EPS8L2: variants seen among roughly 807,000 people sequenced by gnomAD.
The protein encoded by EPS8L2 is epidermal growth factor receptor kinase substrate 8-like protein 2.
In EPS8L2, 81 loss-of-function variants were observed where a neutral mutation model predicts 99.4. The observed-to-expected ratio is 0.82, with a 90% CI of 0.68 to 0.98. The LOEUF (loss-of-function observed/expected upper bound fraction) is 0.98, where lower values mean the gene tolerates loss of function less well. EPS8L2 is among the 50% of genes least tolerant of loss of function. EPS8L2 has a pLI of 0.00. For synonymous variants in EPS8L2, 509 were observed against 407.3 expected (o/e 1.25, Z -3.01); for missense variants, 1,155 against 968.8 (o/e 1.19, Z -2.55).
intron 19 of EPS8L2, 42 bp downstream of exon 19, chr11:726,526 T>C (rs762304670): frequency 6.8e-7 from 1 of 1,477,396 alleles, no homozygotes; most frequent in Admixed American, 2.2e-5. Context: ...GGGCGAGGGG[T>C]GGGAGGTGCG....
In EPS8L2 at chr11:724,894, CA is replaced by C. The variant is rs1862275438; in HGVS notation, c.1560+66del. 2.3e-6 allele frequency: 3 copies of C among 1,277,312 alleles called. No homozygotes were observed. Among genetic ancestry groups the C allele is most frequent in the African/African-American group, 1.5e-5 (1 of 68,334 alleles). The allele number at this position is 1,277,312 out of a possible 1,614,324, so 79.1% of individuals were successfully genotyped here. On this transcript the variant is annotated intron_variant, in intron 16 of 20. Coordinates refer to ENST00000318562, the MANE Select transcript of EPS8L2 (RefSeq NM_022772.4). The surrounding 1 kb of genome is among the most constrained non-coding windows in gnomAD (Gnocchi z 5.5). ...GGCAGGGCTTCAAGGGAGGGGCTAC[CA>C]GGGGAGGTGGGGAGCGGTCTAGGGC...
rs771818982 is a variant in EPS8L2, at chr11:723,265, A to G, written c.1366A>G (p.Ile456Val). 3.1e-6 allele frequency: 5 copies of G among 1,605,208 alleles called. No individual in the cohort carries two copies. Among genetic ancestry groups the G allele is most frequent in the Middle Eastern group, 1.7e-4 (1 of 6,040 alleles). The stretch of plus-strand genomic sequence containing the variant: ...GGTGAGTCCAGTGAGCCGACAGTCC[A>G]TAAGAAACTCCCAGAAGCACAGCCC... ...EEVSPVSRQS[I>V]RNSQKHSPTS... Residue 456 changes from isoleucine to valine, a missense_variant, in exon 15 of 21, where the codon ATA becomes GTA. Ile to Val is a conservative substitution (Grantham distance 29). Transcript: ENST00000318562.
At position 727,179 on chromosome 11, in the gene EPS8L2, C is replaced by A. The variant is rs1862354197; in HGVS notation, c.*198C>A. 2.0e-6 allele frequency: 1 copy of A among 508,764 alleles called. No homozygotes were observed. Among genetic ancestry groups the A allele is most frequent in the East Asian group, 3.4e-5 (1 of 29,632 alleles). The allele number at this position is 508,764 out of a possible 1,614,324, so 31.5% of individuals were successfully genotyped here. A position where few individuals can be genotyped will look rare whatever the true frequency, so the allele number is the denominator to read the frequency against. On this transcript the variant is annotated 3_prime_UTR_variant, in exon 21 of 21. Transcript: ENST00000318562. ...CCCAAGGCCTCAGCCCACACCAAGA[C>A]TAATCTCAGCCAAACCTGCTGCTTG... is the stretch of plus-strand genomic sequence containing the variant.
At chr11:725,251 G>A (rs1442423201) in intron 16 of EPS8L2, among the ~76,000 whole-genome samples, 3 of 152,222 alleles carry the variant, frequency 2.0e-5, no homozygotes, top group Admixed American at 6.5e-5. Context: ...GGCGGCTCAC[G>A]CCTGTAACCG....
chr11:714,592 CATTTTATTTT>C lies in EPS8L2; in HGVS notation c.165+4126_165+4135del, dbSNP rs71464111. On this transcript the variant is annotated intron_variant, in intron 4 of 20. Coordinates refer to ENST00000318562, the MANE Select transcript of EPS8L2 (RefSeq NM_022772.4). ...GGCTTTTGCGTTTAGGGCCAGGATC[CATTTTATTTT>C]ATTTTATTTTATTTTATTTATTTTT... is the stretch of plus-strand genomic sequence containing the variant. Among the ~76,000 whole-genome samples the C allele has an allele frequency of 5.0e-3, 725 of 145,680 alleles. 7 individuals carry two copies. Among genetic ancestry groups the C allele is most frequent in the African/African-American group, 0.016 (660 of 40,070 alleles).
At chr11:725,275 C>G (rs1862283636) in intron 16 of EPS8L2, among the ~76,000 whole-genome samples, 1 of 152,230 alleles carries the variant, frequency 6.6e-6, no homozygotes, top group African/African-American at 2.4e-5. Context: ...CACTGGGAGG[C>G]CAAGGCGGGA....
At position 722,166 on chromosome 11, in the gene EPS8L2, G is replaced by A. The variant is rs1411623463; in HGVS notation, c.1059+1G>A. ...CTTCCTCTTCGGGCCTCTGGACCTG[G>A]TGCCTGGGGCCGGGCGGCAGGGGCG... is the stretch of plus-strand genomic sequence containing the variant. On this transcript the variant is annotated splice_donor_variant, in intron 12 of 20. Coordinates refer to ENST00000318562, the MANE Select transcript of EPS8L2 (RefSeq NM_022772.4). LOFTEE classifies it high-confidence loss of function. 1 of 1,612,058 alleles carries A rather than the reference G, an allele frequency of 6.2e-7. No individual in the cohort carries two copies. Among genetic ancestry groups the A allele is most frequent in the East Asian group, 2.2e-5 (1 of 44,860 alleles).
intron 4 of EPS8L2, among the ~76,000 whole-genome samples, chr11:713,417 T>C (rs1411739045): frequency 6.6e-6 from 1 of 152,228 alleles, no homozygotes; most frequent in Non-Finnish European, 1.5e-5. Flanking sequence ...AGTCTCGCTC[T>C]GTCACCCAGG....
intron 9 of EPS8L2, 23 bp downstream of exon 9, chr11:721,375 T>G (rs947464771): frequency 6.5e-7 from 1 of 1,538,552 alleles, no homozygotes; most frequent in South Asian, 1.2e-5. Context: ...GCCCGGCAGG[T>G]GGCCCCTCTC....
intron 18 of EPS8L2, 52 bp downstream of exon 18, chr11:726,222 G>T: frequency 6.4e-7 from 1 of 1,571,832 alleles, no homozygotes; most frequent in Non-Finnish European, 8.6e-7. Flanking sequence ...CCACCTGGGG[G>T]AGGAAGTGTG....
At position 721,180 on chromosome 11, in the gene EPS8L2, G is replaced by C. The variant is rs773044310; in HGVS notation, c.674G>C (p.Gly225Ala). The C allele has an allele frequency of 5.9e-6, 9 of 1,533,498 alleles. No homozygotes were observed. The highest frequency in any genetic ancestry group is 5.5e-5 in the African/African-American group (4 of 72,754). The allele number at this position is 1,533,498 out of a possible 1,614,324, so 95.0% of individuals were successfully genotyped here. The stretch of plus-strand genomic sequence containing the variant: ...TCCCCGGAGGCCAAGAATCGCGTGG[G>C]CCCGCAGGTGCCACTCAGCGAGCCA... ...GDSPEAKNRV[G>A]PQVPLSEPGF... The change falls in exon 8 of 21, where the codon GGC becomes GCC. Residue 225 changes from glycine to alanine, a missense_variant. By Grantham distance (60) the Gly-to-Ala change is moderately conservative. Transcript: ENST00000318562.
chr11:720,860 G>C lies in EPS8L2; in HGVS notation c.508G>C (p.Ala170Pro). ...GCTGGTGCACGAGGACATCGAGAGC[G>C]CGTTGGCCGACTGCCGGCTGGGCAA... The part of the protein sequence containing the change: ...AELVHEDIES[A>P]LADCRLGKKM... Residue 170 changes from alanine (A) to proline (P), a missense_variant, in exon 7 of 21, where the codon GCG (alanine) becomes CCG (proline). Transcript: ENST00000318562. 6.5e-7 allele frequency: 1 copy of C among 1,535,320 alleles called. No individual in the cohort carries two copies. The highest frequency in any genetic ancestry group is 8.7e-7 in the Non-Finnish European group (1 of 1,143,822).
chr11:725,555 A>G lies in EPS8L2; in HGVS notation c.1561-173A>G, dbSNP rs376643001. On this transcript the variant is annotated intron_variant, in intron 16 of 20. Transcript: ENST00000318562. ...CAGACTCCTTGAGGCAGGGTGGGGGAGGAGCAGCCCAGCGAGGGATGGAGG... is the reference window on the plus strand; with the variant it reads ...CAGACTCCTTGAGGCAGGGTGGGGGGGGAGCAGCCCAGCGAGGGATGGAGG... Among the ~76,000 whole-genome samples, 142 of 152,004 alleles carry G rather than the reference A, an allele frequency of 9.3e-4. 5 individuals carry two copies. The South Asian group carries it at 0.028, about 30-fold the overall frequency.
chr11:724,503 C>A lies in EPS8L2; in HGVS notation c.1455-221C>A. The A allele has an allele frequency of 1.7e-6, 1 of 574,112 alleles. No homozygotes were observed. Among genetic ancestry groups the A allele is most frequent in the East Asian group, 2.9e-5 (1 of 33,930 alleles). 35.6% of individuals were successfully genotyped at this position (574,112 alleles called of 1,614,324 possible). A position where few individuals can be genotyped will look rare whatever the true frequency, so the allele number is the denominator to read the frequency against. On this transcript the variant is annotated intron_variant, in intron 15 of 20. Coordinates refer to ENST00000318562, the MANE Select transcript of EPS8L2 (RefSeq NM_022772.4). The surrounding 1 kb of genome is among the most constrained non-coding windows in gnomAD (Gnocchi z 5.5). Reference sequence around the variant, plus strand: ...ACCACAGGCCCCTGCGCCACGCCCACCTCCTGCCTGCCCCGCCTCCACGCA... The same window carrying A: ...ACCACAGGCCCCTGCGCCACGCCCAACTCCTGCCTGCCCCGCCTCCACGCA...
chr11:721,890 C>T lies in EPS8L2; in HGVS notation c.896-13C>T, dbSNP rs1378203150. ...CAGGGCCAGCCTGGCTCACGCGGTGCCTCCCATGCCAGAGGGCGTCCTCAC... is the reference window on the plus strand; with the variant it reads ...CAGGGCCAGCCTGGCTCACGCGGTGTCTCCCATGCCAGAGGGCGTCCTCAC... On this transcript the variant is annotated splice_polypyrimidine_tract_variant and intron_variant, in intron 10 of 20. Coordinates refer to ENST00000318562, the MANE Select transcript of EPS8L2 (RefSeq NM_022772.4). The T allele has an allele frequency of 1.3e-6, 2 of 1,574,644 alleles. No individual in the cohort carries two copies. Among genetic ancestry groups the T allele is most frequent in the Admixed American group, 1.9e-5 (1 of 53,808 alleles).
chr11:725,603 G>C, intron 16 of EPS8L2, 125 bp from the exon 17 acceptor site: 1 of 914,396 alleles, frequency 1.1e-6, no homozygotes, highest in Non-Finnish European at 1.4e-6. Context: ...GGTGCGGAGA[G>C]AATGGAGCGA....
chr11:726,438 C>A lies in EPS8L2; in HGVS notation c.1888C>A (p.Pro630Thr). Residue 630 changes from proline to threonine, a missense_variant, in exon 19 of 21, where the codon CCG becomes ACG. Physicochemically the swap from Pro to Thr is conservative, Grantham distance 38. Coordinates refer to ENST00000318562, the MANE Select transcript of EPS8L2 (RefSeq NM_022772.4). Reference protein sequence around the residue: ...VSQPLTYESGPDEVRAWLEAK... With the variant: ...VSQPLTYESGTDEVRAWLEAK... Reference sequence around the variant, plus strand: ...CCAGCCGCTCACCTACGAGTCGGGTCCGGACGAGGTCCGCGCCTGGCTGGA... The same window carrying A: ...CCAGCCGCTCACCTACGAGTCGGGTACGGACGAGGTCCGCGCCTGGCTGGA... 4 of 1,594,096 alleles carry A rather than the reference C, an allele frequency of 2.5e-6. No individual in the cohort carries two copies. Among genetic ancestry groups the A allele is most frequent in the Non-Finnish European group, 3.4e-6 (4 of 1,171,826 alleles).
chr11:720,439 C>A, intron 5 of EPS8L2, 158 bp from the exon 6 acceptor site: 3 of 1,254,356 alleles, frequency 2.4e-6, no homozygotes, highest in South Asian at 1.4e-5. Context: ...TGCGGTACAG[C>A]TGCGGGGTGT....
intron 19 of EPS8L2, 62 bp downstream of exon 19, chr11:726,546 G>A (rs1021951862): frequency 2.6e-6 from 4 of 1,510,416 alleles, no homozygotes; most frequent in Admixed American, 2.2e-5. Flanking sequence ...GGCCGAAGGT[G>A]CGCAGCTGTC....
Sources: gnomAD v4.1 joint callset for allele counts (sites outside exome capture counted in the v4.1 genomes callset) on GRCh38, gnomAD v4.1.1 for gene constraint, Gnocchi (gnomAD v3.1) non-coding constraint, MANE v1.5 for transcripts, NCBI Gene and HGNC (gene_info 2026-07-23, HGNC 2026-07-21) for gene names.